FANCG: variants seen among roughly 807,000 people sequenced by gnomAD.
The protein encoded by FANCG is FA complementation group G, also known as Fanconi anemia group G protein.
FANCG carries 67 observed loss-of-function variants against 73.3 expected under a neutral mutation model. The observed-to-expected ratio is 0.91, with a 90% CI of 0.75 to 1.12. The LOEUF (loss-of-function observed/expected upper bound fraction) is 1.12. Among genes scored for constraint, FANCG ranks in the 50% most tolerant of loss-of-function variants. The pLI, the probability that FANCG is intolerant of heterozygous loss-of-function variation, is 0.00. For missense variants in FANCG, 643 were observed against 735.6 expected (o/e 0.87, Z 1.46); for synonymous variants, 297 against 311.6 (o/e 0.95, Z 0.49).
rs755119490 is a variant in FANCG at position 35,079,131 on chromosome 9, C to G, written c.175+20G>C. 6 of 1,593,630 alleles carry G rather than the reference C, an allele frequency of 3.8e-6. No homozygotes were observed. In the Admixed American group the frequency reaches 6.9e-5, roughly 18 times the overall value. On this transcript the variant is annotated intron_variant, in intron 2 of 13. Transcript: ENST00000378643. ...GCTATGGAAGAGGGGAACTGACCAT[C>G]CTGGGGAGGACCCGCCTACCTTGCA...
In FANCG at chr9:35,078,605, C is replaced by T. The variant is rs2131058975; in HGVS notation, c.307G>A (p.Val103Met). 1.2e-6 allele frequency: 2 copies of T among 1,614,162 alleles called. No individual in the cohort carries two copies. The highest frequency in any genetic ancestry group is 1.7e-6 in the Non-Finnish European group (2 of 1,180,036). Reference protein sequence around the residue: ...AQDIQRSLERVLETQEQQGPR... With the variant: ...AQDIQRSLERMLETQEQQGPR... ...ATCAGGGACAATCTCTGGCCCTCAC[C>T]TCTCTCTAGGCTCCGCTGGATATCC... The change falls in exon 3 of 14, where the codon GTG becomes ATG. Residue 103 changes from valine to methionine, a missense_variant and splice_region_variant. Coordinates refer to ENST00000378643, the MANE Select transcript of FANCG (RefSeq NM_004629.2).
In FANCG at chr9:35,075,741, GGGGGT is replaced by G; in HGVS notation, c.1152_1156del (p.Pro385LeufsTer9). On this transcript the variant is annotated frameshift_variant, in exon 10 of 14. Coordinates refer to ENST00000378643, the MANE Select transcript of FANCG (RefSeq NM_004629.2). LOFTEE classifies it high-confidence loss of function. The stretch of plus-strand genomic sequence containing the variant: ...AGGCATACAGGGCCCTGGAGGGGAG[GGGGGT>G]GGGGAGAACTGGAGTGGGAAGAAGA... 1.7e-6 allele frequency: 1 copy of G among 589,762 alleles called. No individual in the cohort carries two copies. The highest frequency in any genetic ancestry group is 3.1e-6 in the Non-Finnish European group (1 of 320,440). The allele number at this position is 589,762 out of a possible 1,614,324, so 36.5% of individuals were successfully genotyped here. A position where few individuals can be genotyped will look rare whatever the true frequency, so the allele number is the denominator to read the frequency against.
chr9:35,078,115 C>A, intron 4 of FANCG, 26 bp downstream of exon 4: 1 of 1,603,632 alleles, frequency 6.2e-7, no homozygotes, highest in Non-Finnish European at 8.5e-7. Flanking sequence ...AGGAGACCCT[C>A]AGCTTCAGGT....
In FANCG at chr9:35,076,131, C is replaced by T. The variant is rs578157939; in HGVS notation, c.1077-103G>A. ...AGCTAACAGATGGATGTTCATGGGC[C>T]CTGAGGAGGAGAAAGGGAGGGAAGG... On this transcript the variant is annotated intron_variant, in intron 8 of 13. Transcript: ENST00000378643. 19 of 1,225,990 alleles carry T rather than the reference C, an allele frequency of 1.5e-5. No individual in the cohort carries two copies. In the African/African-American group the frequency reaches 1.6e-4, roughly 11 times the overall value. 75.9% of individuals were successfully genotyped at this position (1,225,990 alleles called of 1,614,324 possible).
chr9:35,077,352 G>T lies in FANCG; in HGVS notation c.558C>A (p.Pro186=). The change falls in exon 5 of 14, where the codon CCC becomes CCA. Residue 186 remains proline (P), a synonymous_variant. Transcript: ENST00000378643. ...ATGGAGCATCTAATTCCTCAGCTGGGGGACTCCAAGTTTTCAGAAGTAACA... is the reference window on the plus strand; with the variant it reads ...ATGGAGCATCTAATTCCTCAGCTGGTGGACTCCAAGTTTTCAGAAGTAACA... ...DLLLLLKTWS[P]PAEELDAPLT... 1 of 1,614,112 alleles carries T rather than the reference G, an allele frequency of 6.2e-7. No individual in the cohort carries two copies. The highest frequency in any genetic ancestry group is 8.5e-7 in the Non-Finnish European group (1 of 1,180,016).
intron 1 of FANCG, 75 bp from the exon 2 acceptor site, chr9:35,079,316 T>G: frequency 6.5e-7 from 1 of 1,542,210 alleles, no homozygotes; most frequent in South Asian, 1.1e-5. Context: ...AAGGGATGCA[T>G]TCTCCAGTCA....
Position 35,075,527 on chromosome 9 carries a change from C to T in FANCG, c.1371G>A (p.Leu457=). The T allele has an allele frequency of 6.2e-7, 1 of 1,614,172 alleles. No individual in the cohort carries two copies. Among genetic ancestry groups the T allele is most frequent in the Non-Finnish European group, 8.5e-7 (1 of 1,180,018 alleles). The change falls in exon 10 of 14, where the codon CTG becomes CTA. Residue 457 remains leucine (L), a synonymous_variant. Transcript: ENST00000378643. ...YCPLWVSATH[L]LQGQAWVQLG... ...GTTGAACCCAGGCCTGGCCCTGAAG[C>T]AGGTGGGTGGCAGAGACCCAGAGTG...
In FANCG at chr9:35,078,290, G is replaced by A. The variant is rs1298810493; in HGVS notation, c.361C>T (p.Leu121=). Reference sequence around the variant, plus strand: ...GAAGCACGAAGGACAGAGTCCCACAGCTCCCTGAGCCCCTGTTCCAACCTG... The same window carrying A: ...GAAGCACGAAGGACAGAGTCCCACAACTCCCTGAGCCCCTGTTCCAACCTG... The part of the protein sequence containing the change: ...GPRLEQGLRE[L]WDSVLRASCL... Residue 121 remains leucine, a synonymous_variant, in exon 4 of 14, where the codon CTG becomes TTG. Coordinates refer to ENST00000378643, the MANE Select transcript of FANCG (RefSeq NM_004629.2). The A allele has an allele frequency of 6.2e-7, 1 of 1,614,024 alleles. No individual in the cohort carries two copies. Among genetic ancestry groups the A allele is most frequent in the African/African-American group, 1.3e-5 (1 of 75,032 alleles).
rs745472311 is a variant in FANCG, at chr9:35,075,701, C to T, written c.1197G>A (p.Glu399=). ...CTGCCTGGATCAGTGCTACCGCTGC[C>T]TCCAAAAACACCTCAGGCATACAGG... ...PGPCMPEVFL[E]AAVALIQAGR... Residue 399 remains glutamate, a synonymous_variant, in exon 10 of 14, where the codon GAG becomes GAA. Coordinates refer to ENST00000378643, the MANE Select transcript of FANCG (RefSeq NM_004629.2). The T allele has an allele frequency of 6.2e-7, 1 of 1,605,826 alleles. No individual in the cohort carries two copies. Among genetic ancestry groups the T allele is most frequent in the South Asian group, 1.1e-5 (1 of 90,912 alleles).
chr9:35,075,669 G>C lies in FANCG; in HGVS notation c.1229C>G (p.Ala410Gly), dbSNP rs1257435850. The change falls in exon 10 of 14, where the codon GCC becomes GGC. Residue 410 changes from alanine (A) to glycine (G), a missense_variant. Transcript: ENST00000378643. Reference protein sequence around the residue: ...AAVALIQAGRAQDALTLCEEL... With the variant: ...AAVALIQAGRGQDALTLCEEL... Reference sequence around the variant, plus strand: ...CTCACATAGAGTCAAGGCATCTTGGGCTCTGCCTGCCTGGATCAGTGCTAC... The same window carrying C: ...CTCACATAGAGTCAAGGCATCTTGGCCTCTGCCTGCCTGGATCAGTGCTAC... 1 of 1,609,674 alleles carries C rather than the reference G, an allele frequency of 6.2e-7. No homozygotes were observed. The highest frequency in any genetic ancestry group is 8.5e-7 in the Non-Finnish European group (1 of 1,178,658).
At chr9:35,075,138 C>G (rs1829058684) in intron 11 of FANCG, 56 bp from the exon 12 acceptor site, 1 of 1,611,472 alleles carries the variant, frequency 6.2e-7, no homozygotes, top group Non-Finnish European at 8.5e-7. Context: ...GTCACCAAAA[C>G]CCCAAATCCT....
chr9:35,076,259 G>A (rs1251107670), intron 8 of FANCG, 173 bp downstream of exon 8: 1 of 816,608 alleles, frequency 1.2e-6, no homozygotes, highest in Non-Finnish European at 2.1e-6. Flanking sequence ...TAATGTCTTA[G>A]AGAAGAGTCC....
Position 35,076,463 on chromosome 9 carries a change from T to A in FANCG, c.1045A>T (p.Ile349Leu), listed in dbSNP as rs1226021176. ...GTCTGTAGGCACCTGCTTGCTAGTATGTGCTTGGTCTGGCTCTGAGTGCCA... is the reference window on the plus strand; with the variant it reads ...GTCTGTAGGCACCTGCTTGCTAGTAAGTGCTTGGTCTGGCTCTGAGTGCCA... ...HCGTQSQTKHILASRCLQTGR... is the reference protein window; with the variant it reads ...HCGTQSQTKHLLASRCLQTGR... Residue 349 changes from isoleucine (I) to leucine (L), a missense_variant, in exon 8 of 14, where the codon ATA (isoleucine) becomes TTA (leucine). Transcript: ENST00000378643. 1 of 1,614,120 alleles carries A rather than the reference T, an allele frequency of 6.2e-7. No individual in the cohort carries two copies. Among genetic ancestry groups the A allele is most frequent in the Admixed American group, 1.7e-5 (1 of 60,022 alleles).
rs1829085262 is a variant in FANCG at position 35,076,445 on chromosome 9, G to A, written c.1063C>T (p.Leu355=). The change falls in exon 8 of 14, where the codon CTA becomes TTA. Residue 355 remains leucine (L), a synonymous_variant. Transcript: ENST00000378643. ...GGGGAACCTCACCTCCCCGTCTGTA[G>A]GCACCTGCTTGCTAGTATGTGCTTG... ...QTKHILASRC[L]QTGRAGDAAE... is the part of the protein sequence containing the mutation. The A allele has an allele frequency of 6.2e-7, 1 of 1,614,080 alleles. No homozygotes were observed.
In FANCG at chr9:35,075,474, T is replaced by C. The variant is rs1352646031; in HGVS notation, c.1424A>G (p.Glu475Gly). Residue 475 changes from glutamate (E) to glycine (G), a missense_variant, in exon 10 of 14, where the codon GAA (glutamate) becomes GGA (glycine). Transcript: ENST00000378643. ...QLGAQKVAIS[E>G]FSRCLELLFR... ...AGGACCCCGGGCTCACCTGCTAAAT[T>C]CACTAATTGCCACTTTTTGGGCACC... The C allele has an allele frequency of 3.1e-6, 5 of 1,613,978 alleles. No individual in the cohort carries two copies. The highest frequency in any genetic ancestry group is 4.2e-6 in the Non-Finnish European group (5 of 1,180,020).
rs755919340 is a variant in FANCG, at chr9:35,076,432, C to G, written c.1076G>C (p.Arg359Thr). The G allele has an allele frequency of 1.2e-6, 2 of 1,613,892 alleles. No individual in the cohort carries two copies. Among genetic ancestry groups the G allele is most frequent in the Non-Finnish European group, 1.7e-6 (2 of 1,180,012 alleles). The change falls in exon 8 of 14, where the codon AGG becomes ACG. Residue 359 changes from arginine to threonine, a missense_variant and splice_region_variant. Transcript: ENST00000378643. ...CTCAGGTGAGCAAGGGGAACCTCAC[C>G]TCCCCGTCTGTAGGCACCTGCTTGC... is the stretch of plus-strand genomic sequence containing the variant. ...ILASRCLQTG[R>T]AGDAAEHYLD... is the part of the protein sequence containing the mutation.
At position 35,074,158 on chromosome 9, in the gene FANCG, C is replaced by T. The variant is rs758407400; in HGVS notation, c.1819G>A (p.Ala607Thr). The T allele has an allele frequency of 2.5e-6, 4 of 1,614,050 alleles. No homozygotes were observed. Among genetic ancestry groups the T allele is most frequent in the East Asian group, 4.5e-5 (2 of 44,890 alleles). Residue 607 changes from alanine (A) to threonine (T), a missense_variant, in exon 14 of 14, where the codon GCC becomes ACC. Transcript: ENST00000378643. ...GATGTCCGAAATTCTTCAAGGAAGG[C>T]GTCACGATCAGAGGGACGGATCCAG... ...LSWIRPSDRDAFLEEFRTSLP... is the reference protein window; with the variant it reads ...LSWIRPSDRDTFLEEFRTSLP...
chr9:35,078,406 T>C, intron 3 of FANCG, 63 bp from the exon 4 acceptor site: 1 of 1,562,100 alleles, frequency 6.4e-7, no homozygotes, highest in Non-Finnish European at 8.8e-7. Context: ...ATCCTCCATC[T>C]CCCCACACAC....
chr9:35,077,762 T>A (rs748325890), intron 4 of FANCG, among the ~76,000 whole-genome samples: 42 of 129,314 alleles, frequency 3.2e-4, no homozygotes, highest in South Asian at 4.8e-4. Flanking sequence ...CAAAAAAAAA[T>A]TTTTTTTTTT....
Sources: allele counts gnomAD v4.1 joint callset (sites outside exome capture counted in the v4.1 genomes callset), GRCh38; gene constraint gnomAD v4.1.1; transcripts MANE v1.5; gene names NCBI Gene and HGNC (gene_info 2026-07-23, HGNC 2026-07-21).